The following PNPLA1 variants were observed in gnomAD, a reference collection of about 807,000 sequenced individuals.
PNPLA1 encodes patatin like domain 1, omega-hydroxyceramide transacylase.
PNPLA1 carries 36 observed loss-of-function variants against 51.7 expected under a neutral mutation model. The ratio of observed to expected loss-of-function variants is 0.70; its 90% confidence interval spans 0.53 to 0.92. The LOEUF is 0.92. Among genes scored for constraint, PNPLA1 ranks in the 40% least tolerant of loss-of-function variants. The pLI is 0.00. For missense variants in PNPLA1, 658 were observed against 682.5 expected, an observed-to-expected ratio of 0.96 and a Z score of 0.40; for synonymous variants, 293 against 280.1, an observed-to-expected ratio of 1.05 and a Z score of -0.46.
chr6:36,291,332 G>C lies in PNPLA1; in HGVS notation c.218G>C (p.Arg73Thr). ...GCTTCCTTTGCAGATGAGTATCTCA[G>C]AGTCCTCAACGTGGGTGTGGCCGAG... is the stretch of plus-strand genomic sequence containing the variant. ...ICGIEMDEYL[R>T]VLNVGVAEVK... is the part of the protein sequence containing the mutation. The change falls in exon 2 of 9, where the codon AGA becomes ACA. Residue 73 changes from arginine (R) to threonine (T), a missense_variant. Arg to Thr is a moderately conservative substitution (Grantham distance 71). Coordinates refer to ENST00000636260, the MANE Select transcript of PNPLA1 (RefSeq NM_001374623.1). 1 of 1,614,018 alleles carries C rather than the reference G, an allele frequency of 6.2e-7. No homozygotes were observed.
At chr6:36,301,009 C>T (rs370851883) in intron 5 of PNPLA1, among the ~76,000 whole-genome samples, 319 of 152,280 alleles carry the variant, frequency 2.1e-3, no homozygotes, top group African/African-American at 7.3e-3. Context: ...CCAGCTTTGG[C>T]CATTGGGAGC....
chr6:36,273,128 C>T (rs956686112), intron 1 of PNPLA1, among the ~76,000 whole-genome samples: 3 of 151,984 alleles, frequency 2.0e-5, no homozygotes, highest in Non-Finnish European at 4.4e-5. Context: ...CACCTGTAGT[C>T]CCAGCTACTC....
chr6:36,254,726 C>A (rs1428559194), intron 1 of PNPLA1, among the ~76,000 whole-genome samples: 1 of 152,170 alleles, frequency 6.6e-6, no homozygotes, highest in Non-Finnish European at 1.5e-5. Context: ...GTCTACTTAA[C>A]TCTGAGCCTT....
intron 1 of PNPLA1, among the ~76,000 whole-genome samples, chr6:36,262,911 A>G (rs1243563825): frequency 6.6e-6 from 1 of 152,232 alleles, no homozygotes; most frequent in Non-Finnish European, 1.5e-5. Flanking sequence ...TTGATGCTGT[A>G]TTTAAAAATT....
In PNPLA1 at chr6:36,302,685, C is replaced by T. The variant is rs1214536035; in HGVS notation, c.1384+216C>T. ...CCTTGGTGCAGTGCTTCTCAAAGTG[C>T]GATCCCCCTACCGGCAGCAAAAGCA... On this transcript the variant is annotated intron_variant, in intron 6 of 8. Transcript: ENST00000636260. Among the ~76,000 whole-genome samples, 6 of 152,192 alleles carry T rather than the reference C, an allele frequency of 3.9e-5. 1 individual carries two copies. In the East Asian group the frequency reaches 1.2e-3, roughly 29 times the overall value.
chr6:36,256,064 A>T (rs769605490), intron 1 of PNPLA1, among the ~76,000 whole-genome samples: 15 of 152,138 alleles, frequency 9.9e-5, no homozygotes, highest in Non-Finnish European at 1.8e-4. Flanking sequence ...CACTTGTTAT[A>T]TGGTCAAAAT....
At chr6:36,255,479 TG>T (rs1561847859) in intron 1 of PNPLA1, among the ~76,000 whole-genome samples, 1 of 152,136 alleles carries the variant, frequency 6.6e-6, no homozygotes, top group Non-Finnish European at 1.5e-5. Context: ...CACTCCAGCC[TG>T]GGCAACAAGA....
intron 5 of PNPLA1, 52 bp from the exon 6 acceptor site, chr6:36,301,809 G>A (rs1489652637): frequency 2.6e-6 from 4 of 1,564,730 alleles, no homozygotes; most frequent in South Asian, 1.2e-5. Flanking sequence ...TTTTTGCAAA[G>A]GCCATGCTGC....
rs115971993 is a variant in PNPLA1 at position 36,303,003 on chromosome 6, C to T, written c.1384+534C>T. ...TAATCATTTAGAAACGTTTATAGCA[C>T]TAAGGTATTTCCACAACATCCCGGA... On this transcript the variant is annotated intron_variant, in intron 6 of 8. Coordinates refer to ENST00000636260, the MANE Select transcript of PNPLA1 (RefSeq NM_001374623.1). 2.9e-3 allele frequency among the ~76,000 whole-genome samples: 445 copies of T among 152,312 alleles called. 4 individuals carry two copies. The highest frequency in any genetic ancestry group is 4.6e-3 in the South Asian group (22 of 4,828).
chr6:36,284,123 G>C (rs994542600), intron 1 of PNPLA1, among the ~76,000 whole-genome samples: 1 of 152,224 alleles, frequency 6.6e-6, no homozygotes, highest in Non-Finnish European at 1.5e-5. Flanking sequence ...CTCATAGTAG[G>C]GTGAGGGCTG....
chr6:36,290,246 A>T lies in PNPLA1; in HGVS notation c.206-1074A>T, dbSNP rs1009227900. 5.3e-5 allele frequency among the ~76,000 whole-genome samples: 8 copies of T among 152,314 alleles called. No individual in the cohort carries two copies. The South Asian group carries it at 6.2e-4, about 12-fold the overall frequency. On this transcript the variant is annotated intron_variant, in intron 1 of 8. Transcript: ENST00000636260. ...TATTTTACAAATAAATGTTTGTTTT[A>T]AAAAAGTTAGCAATCCTTTCCAGAG...
intron 2 of PNPLA1, among the ~76,000 whole-genome samples, chr6:36,291,913 C>T (rs1218003109): frequency 1.3e-5 from 2 of 152,204 alleles, no homozygotes; most frequent in African/African-American, 4.8e-5. Flanking sequence ...GAATTACTCC[C>T]ACTTTGTGGG....
chr6:36,249,428 C>T (rs150910098), intron 1 of PNPLA1, among the ~76,000 whole-genome samples: 1 of 152,274 alleles, frequency 6.6e-6, no homozygotes, highest in East Asian at 1.9e-4. Flanking sequence ...CCGAATTGTC[C>T]ACAGGATTCC....
rs190704442 is a variant in PNPLA1 at position 36,287,792 on chromosome 6, A to C, written c.206-3528A>C. On this transcript the variant is annotated intron_variant, in intron 1 of 8. Coordinates refer to ENST00000636260, the MANE Select transcript of PNPLA1 (RefSeq NM_001374623.1). ...CACACACACACACACACACACACAC[A>C]CACCCCTGGAGAGAAGTAAGAAGAT... Among the ~76,000 whole-genome samples, 24 of 135,448 alleles carry C rather than the reference A, an allele frequency of 1.8e-4. No individual in the cohort carries two copies. In the East Asian group the frequency reaches 4.1e-3, roughly 23 times the overall value. The allele number at this position is 135,448 out of a possible 152,430, so 88.9% of individuals were successfully genotyped here.
intron 8 of PNPLA1, among the ~76,000 whole-genome samples, chr6:36,309,446 T>C (rs537711384): frequency 1.3e-5 from 2 of 152,230 alleles, no homozygotes; most frequent in East Asian, 3.9e-4. Context: ...GCGGTGGGTG[T>C]GGGGAGCCTC....
At position 36,294,473 on chromosome 6, in the gene PNPLA1, GC is replaced by G; in HGVS notation, c.714+77del. On this transcript the variant is annotated intron_variant, in intron 4 of 8. Transcript: ENST00000636260. The surrounding 1 kb of genome is among the most constrained non-coding windows in gnomAD (Gnocchi z 4.2). ...GGGGTGGGGTTAGAGAGCCACTGGG[GC>G]CCACTCAAGTTCCATCTGAGTCTCC... 4 of 1,403,912 alleles carry G rather than the reference GC, an allele frequency of 2.8e-6. No homozygotes were observed. The highest frequency in any genetic ancestry group is 3.0e-6 in the Non-Finnish European group (3 of 1,005,638). The allele number at this position is 1,403,912 out of a possible 1,614,324, so 87.0% of individuals were successfully genotyped here. A position where few individuals can be genotyped will look rare whatever the true frequency, so the allele number is the denominator to read the frequency against.
chr6:36,245,164 G>T (rs1002724518), intron 1 of PNPLA1, among the ~76,000 whole-genome samples: 3 of 152,174 alleles, frequency 2.0e-5, no homozygotes, highest in African/African-American at 4.8e-5. Flanking sequence ...TCTGGCCTGT[G>T]GGTGTGACTT....
At chr6:36,289,629 T>C (rs1770614996) in intron 1 of PNPLA1, among the ~76,000 whole-genome samples, 1 of 150,358 alleles carries the variant, frequency 6.7e-6, no homozygotes, top group African/African-American at 2.4e-5. Flanking sequence ...AAAAAGGCTG[T>C]CACCATGGCA....
At position 36,298,438 on chromosome 6, in the gene PNPLA1, C is replaced by T. The variant is rs1295305293; in HGVS notation, c.775+3014C>T. ...ATATTTTAATTGTGGTAAAAAAACA[C>T]GTAACAAATTTTAAGCACACAGTTC... On this transcript the variant is annotated intron_variant, in intron 5 of 8. Transcript: ENST00000636260. Among the ~76,000 whole-genome samples, 6 of 152,114 alleles carry T rather than the reference C, an allele frequency of 3.9e-5. No individual in the cohort carries two copies. In the South Asian group the frequency reaches 8.3e-4, roughly 21 times the overall value.
Sources: allele counts gnomAD v4.1 joint callset (sites outside exome capture counted in the v4.1 genomes callset), GRCh38; gene constraint gnomAD v4.1.1; non-coding constraint Gnocchi (gnomAD v3.1); transcripts MANE v1.5; gene names NCBI Gene and HGNC (gene_info 2026-07-23, HGNC 2026-07-21).